LRP1B: variants seen among roughly 807,000 people sequenced by gnomAD.
LRP1B encodes LDL receptor related protein 1B, also known as low-density lipoprotein receptor-related protein 1B.
LRP1B carries 217 observed loss-of-function variants against 556.6 expected under a neutral mutation model. That is an observed-to-expected ratio of 0.39 (90% CI 0.35 to 0.44). The LOEUF is 0.44. LRP1B is among the 20% of genes least tolerant of loss of function. The pLI is 1.00. For synonymous variants in LRP1B, 2,047 were observed against 1,865.8 expected (o/e 1.10, Z -2.50); for missense variants, 5,053 against 5,620.8 (o/e 0.90, Z 3.23).
At chr2:141,055,802 A>ATGTGTGTG (rs10664722) in intron 9 of LRP1B, among the ~76,000 whole-genome samples, 3,220 of 145,508 alleles carry the variant, frequency 0.022, 47 homozygotes, top group South Asian at 0.037. Flanking sequence ...TTACCACAAA[A>ATGTGTGTG]TGTGTGTGTG....
chr2:140,483,619 T>C (rs28540145), intron 59 of LRP1B, among the ~76,000 whole-genome samples: 2,834 of 67,262 alleles, frequency 0.042, 41 homozygotes, highest in Non-Finnish European at 0.049. Flanking sequence ...CACACACATA[T>C]ATATATATAT....
chr2:141,572,013 T>C (rs1191086141), intron 2 of LRP1B, among the ~76,000 whole-genome samples: 1 of 152,144 alleles, frequency 6.6e-6, no homozygotes, highest in Admixed American at 6.5e-5. Context: ...CATGTCAGGA[T>C]ATTATCCAGG....
chr2:140,579,577 C>T (rs1242346808), intron 43 of LRP1B, among the ~76,000 whole-genome samples: 1 of 152,160 alleles, frequency 6.6e-6, no homozygotes, highest in Non-Finnish European at 1.5e-5. Context: ...TGCGGTGGCT[C>T]AGGCCTGTAA....
At chr2:141,342,718 C>T (rs1688117504) in intron 3 of LRP1B, among the ~76,000 whole-genome samples, 1 of 152,044 alleles carries the variant, frequency 6.6e-6, no homozygotes, top group Admixed American at 6.5e-5. Flanking sequence ...AAATATGGGA[C>T]TATGTGAAAA....
intron 25 of LRP1B, among the ~76,000 whole-genome samples, chr2:140,879,684 T>C (rs1180608312): frequency 6.6e-6 from 1 of 152,218 alleles, no homozygotes; most frequent in East Asian, 1.9e-4. Flanking sequence ...TAAAATGCAT[T>C]AGCATTTCAA....
chr2:141,054,811 A>T (rs1277901892), intron 10 of LRP1B, among the ~76,000 whole-genome samples: 1 of 151,992 alleles, frequency 6.6e-6, no homozygotes, highest in Non-Finnish European at 1.5e-5. Context: ...TCAACTAATC[A>T]TTCCAACTTA....
intron 3 of LRP1B, among the ~76,000 whole-genome samples, chr2:141,316,191 C>G (rs987594): frequency 6.6e-6 from 1 of 151,760 alleles, no homozygotes; most frequent in Non-Finnish European, 1.5e-5. Context: ...TTATAAGATT[C>G]TTTTCCTTTT....
At chr2:141,262,734 T>C (rs1684742862) in intron 3 of LRP1B, among the ~76,000 whole-genome samples, 1 of 152,162 alleles carries the variant, frequency 6.6e-6, no homozygotes, top group South Asian at 2.1e-4. Flanking sequence ...TATCCATGGG[T>C]ATATTTTTGT....
intron 2 of LRP1B, among the ~76,000 whole-genome samples, chr2:141,798,232 A>AG (rs941833103): frequency 2.9e-5 from 3 of 104,768 alleles, no homozygotes; most frequent in African/African-American, 1.3e-4. Flanking sequence ...ACAGATGAAG[A>AG]AAAAATGCAA....
chr2:141,754,899 C>T (rs1694261749), intron 2 of LRP1B, among the ~76,000 whole-genome samples: 1 of 151,996 alleles, frequency 6.6e-6, no homozygotes, highest in South Asian at 2.1e-4. Context: ...AGTAGGATTT[C>T]CTCCAAAATA....
intron 49 of LRP1B, among the ~76,000 whole-genome samples, chr2:140,524,607 C>T (rs1690341240): frequency 1.3e-5 from 2 of 151,882 alleles, no homozygotes; most frequent in South Asian, 2.1e-4. Flanking sequence ...CCATGGAATT[C>T]TATGCAGTCA....
At chr2:140,928,857 A>G (rs890200604) in intron 20 of LRP1B, among the ~76,000 whole-genome samples, 2 of 152,262 alleles carry the variant, frequency 1.3e-5, no homozygotes, top group South Asian at 4.1e-4. Context: ...AAAGACCTAA[A>G]AGCAGGAAAG....
At chr2:140,840,806 C>T in intron 30 of LRP1B, 112 bp downstream of exon 30, 4 of 712,712 alleles carry the variant, frequency 5.6e-6, no homozygotes, top group Middle Eastern at 3.3e-4. Context: ...TTTTTTTTAA[C>T]TCTTATGGCT....
intron 6 of LRP1B, among the ~76,000 whole-genome samples, chr2:141,221,344 C>G (rs1044150010): frequency 6.7e-6 from 1 of 149,044 alleles, no homozygotes; most frequent in Admixed American, 6.7e-5. Flanking sequence ...GGGTTGAATT[C>G]AACAAGAAGA....
At chr2:140,884,195 CA>C (rs959589839) in intron 24 of LRP1B, among the ~76,000 whole-genome samples, 174 bp from the exon 25 acceptor site, 5 of 152,166 alleles carry the variant, frequency 3.3e-5, no homozygotes, top group African/African-American at 1.2e-4. Context: ...TCAAATTTAG[CA>C]TTACCGATCT....
Position 141,963,870 on chromosome 2 carries a change from T to C in LRP1B, c.83-153469A>G, listed in dbSNP as rs1278629892. ...CCATTGTCTCAGCCCAAAATCTCCT[T>C]AAGCTGATAAGCAACTTCAGCAAAG... On this transcript the variant is annotated intron_variant, in intron 1 of 90. Coordinates refer to ENST00000389484, the MANE Select transcript of LRP1B (RefSeq NM_018557.3). Among the ~76,000 whole-genome samples, 4 of 139,074 alleles carry C rather than the reference T, an allele frequency of 2.9e-5. No homozygotes were observed. In the East Asian group the frequency reaches 8.3e-4, roughly 29 times the overall value. The allele number at this position is 139,074 out of a possible 152,430, so 91.2% of individuals were successfully genotyped here. A position where few individuals can be genotyped will look rare whatever the true frequency, so the allele number is the denominator to read the frequency against.
At chr2:141,821,212 T>C (rs1370585751) in intron 1 of LRP1B, among the ~76,000 whole-genome samples, 1 of 152,182 alleles carries the variant, frequency 6.6e-6, no homozygotes, top group Non-Finnish European at 1.5e-5. Flanking sequence ...AGACAGAAAT[T>C]TGTATTGCTT....
chr2:140,761,432 C>G (rs10187082), intron 35 of LRP1B, among the ~76,000 whole-genome samples: 11,225 of 152,192 alleles, frequency 0.074, 1,001 homozygotes, highest in African/African-American at 0.21. Context: ...GGGGAGGATG[C>G]ATCTAGTTAG....
chr2:140,598,949 T>C, intron 42 of LRP1B, 114 bp from the exon 43 acceptor site: 1 of 674,278 alleles, frequency 1.5e-6, no homozygotes, highest in Non-Finnish European at 2.5e-6. Flanking sequence ...ATTTACCTCA[T>C]ATTCTATCTT....
Sources: gnomAD v4.1 joint callset for allele counts (sites outside exome capture counted in the v4.1 genomes callset) on GRCh38, gnomAD v4.1.1 for gene constraint, MANE v1.5 for transcripts, NCBI Gene and HGNC (gene_info 2026-07-23, HGNC 2026-07-21) for gene names.